The following DTD1 variants were observed in gnomAD, a reference collection of about 807,000 sequenced individuals.
The protein encoded by DTD1 is D-aminoacyl-tRNA deacylase 1.
A neutral mutation model predicts 25.6 loss-of-function variants in DTD1; 13 were observed. The ratio of observed to expected loss-of-function variants is 0.51; its 90% CI spans 0.33 to 0.81. The LOEUF (loss-of-function observed/expected upper bound fraction) is 0.81, where lower values mean the gene tolerates loss of function less well. Among genes scored for constraint, DTD1 ranks in the 30% least tolerant of loss-of-function variants. DTD1 has a pLI of 0.02. For synonymous variants in DTD1, 110 were observed against 103.6 expected, an observed-to-expected ratio of 1.06 and a Z score of -0.37; for missense variants, 193 against 266.4, an observed-to-expected ratio of 0.72 and a Z score of 1.92.
At chr20:18,690,281 C>T (rs1310303227) in intron 4 of DTD1, among the ~76,000 whole-genome samples, 1 of 151,950 alleles carries the variant, frequency 6.6e-6, no homozygotes, top group Non-Finnish European at 1.5e-5. Flanking sequence ...AATATTTTCT[C>T]CCATTCTATA....
In DTD1 at chr20:18,596,054, G is replaced by A; in HGVS notation, c.183G>A (p.Lys61=). The A allele has an allele frequency of 1.9e-6, 3 of 1,614,130 alleles. No individual in the cohort carries two copies. The highest frequency in any genetic ancestry group is 2.7e-5 in the African/African-American group (2 of 75,016). Residue 61 remains lysine (K), a synonymous_variant, in exon 3 of 6, where the codon AAG becomes AAA. Coordinates refer to ENST00000377452, the MANE Select transcript of DTD1 (RefSeq NM_080820.6). The part of the protein sequence containing the change: ...NLRVFEDESG[K]HWSKSVMDKQ... Reference sequence around the variant, plus strand: ...GTGTATTTGAGGATGAGAGTGGGAAGCACTGGTCGAAGAGTGTGATGGACA... The same window carrying A: ...GTGTATTTGAGGATGAGAGTGGGAAACACTGGTCGAAGAGTGTGATGGACA...
Position 18,755,576 on chromosome 20 carries a change from C to T in DTD1, c.*20-7784C>T, listed in dbSNP as rs568511214. Among the ~76,000 whole-genome samples, 24 of 152,272 alleles carry T rather than the reference C, an allele frequency of 1.6e-4. No individual in the cohort carries two copies. In the South Asian group the frequency reaches 4.6e-3, roughly 29 times the overall value. ...GAGAATGATGGTTTCCAGCTTCATC[C>T]GTGTCCCTACAAAGGACATGAACTC... is the stretch of plus-strand genomic sequence containing the variant. On this transcript the variant is annotated intron_variant, in intron 5 of 5. Coordinates refer to ENST00000377452, the MANE Select transcript of DTD1 (RefSeq NM_080820.6).
intron 3 of DTD1, among the ~76,000 whole-genome samples, chr20:18,615,845 G>C (rs1487830409): frequency 1.3e-5 from 2 of 152,166 alleles, no homozygotes; most frequent in African/African-American, 4.8e-5. Context: ...TCCATGGGAC[G>C]TCCATGATGC....
At chr20:18,705,499 A>G (rs1440826390) in intron 4 of DTD1, among the ~76,000 whole-genome samples, 1 of 152,148 alleles carries the variant, frequency 6.6e-6, no homozygotes, top group African/African-American at 2.4e-5. Context: ...GTTGTTCAAA[A>G]AGGTCCCCAG....
chr20:18,760,156 T>G (rs1363771641), intron 5 of DTD1, among the ~76,000 whole-genome samples: 2 of 152,214 alleles, frequency 1.3e-5, no homozygotes, highest in Non-Finnish European at 2.9e-5. Flanking sequence ...TTCAAGGTTT[T>G]TATCTTCTTT....
At chr20:18,759,185 T>G (rs553245642) in intron 5 of DTD1, among the ~76,000 whole-genome samples, 1 of 152,360 alleles carries the variant, frequency 6.6e-6, no homozygotes, top group Admixed American at 6.5e-5. Flanking sequence ...CTTGACTCTT[T>G]ATCCGATTTG....
At chr20:18,665,548 T>C (rs2060928603) in intron 4 of DTD1, among the ~76,000 whole-genome samples, 1 of 152,240 alleles carries the variant, frequency 6.6e-6, no homozygotes, top group African/African-American at 2.4e-5. Context: ...CTTAGTTACA[T>C]ATTCTTAGTT....
chr20:18,716,773 T>G (rs1156508475), intron 4 of DTD1, among the ~76,000 whole-genome samples: 1 of 152,216 alleles, frequency 6.6e-6, no homozygotes, highest in Non-Finnish European at 1.5e-5. Context: ...GCTAGCCTAC[T>G]GTTGATCAGA....
intron 4 of DTD1, among the ~76,000 whole-genome samples, chr20:18,722,920 A>T (rs750369383): frequency 5.3e-5 from 8 of 152,362 alleles, no homozygotes; most frequent in Non-Finnish European, 1.0e-4. Context: ...AACACACAGA[A>T]AAGTCAGCAC....
Position 18,765,388 on chromosome 20 carries a change from T to C in DTD1, c.*2048T>C, listed in dbSNP as rs1308595382. On this transcript the variant is annotated 3_prime_UTR_variant, in exon 6 of 6. Transcript: ENST00000377452. Reference sequence around the variant, plus strand: ...AGCAGAAATTCTGAGCCTATATGTGTGAGGGGGGATCTTTGATTAATTAAA... The same window carrying C: ...AGCAGAAATTCTGAGCCTATATGTGCGAGGGGGGATCTTTGATTAATTAAA... The C allele has an allele frequency of 2.0e-5, 3 of 152,202 alleles. No individual in the cohort carries two copies. Among genetic ancestry groups the C allele is most frequent in the African/African-American group, 7.2e-5 (3 of 41,442 alleles). The allele number at this position is 152,202 out of a possible 1,614,324, so 9.4% of individuals were successfully genotyped here.
intron 1 of DTD1, among the ~76,000 whole-genome samples, chr20:18,592,796 C>T (rs2060595121): frequency 1.3e-5 from 2 of 151,744 alleles, no homozygotes; most frequent in South Asian, 4.2e-4. Flanking sequence ...GATTCTCCTG[C>T]CTCAGCCTCC....
At chr20:18,611,305 A>G (rs948687945) in intron 3 of DTD1, 1 of 152,236 alleles carries the variant, frequency 6.6e-6, no homozygotes, top group Admixed American at 6.5e-5. Context: ...TTCATAGAGC[A>G]TGCGTTACAC....
chr20:18,589,038 G>A (rs776315091), intron 1 of DTD1, among the ~76,000 whole-genome samples: 1 of 152,048 alleles, frequency 6.6e-6, no homozygotes, highest in Non-Finnish European at 1.5e-5. Flanking sequence ...GCGTTCTTGT[G>A]TCCACAAAAG....
chr20:18,661,061 T>TTGTG (rs2060907807), intron 4 of DTD1, among the ~76,000 whole-genome samples: 1 of 152,214 alleles, frequency 6.6e-6, no homozygotes, highest in Non-Finnish European at 1.5e-5. Context: ...CTAGTTAGAC[T>TTGTG]TGTGTGGTCT....
intron 4 of DTD1, among the ~76,000 whole-genome samples, chr20:18,685,545 C>T (rs78888249): frequency 0.012 from 1,859 of 152,232 alleles, 38 homozygotes; most frequent in African/African-American, 0.041. Context: ...CCCTGCGCCT[C>T]GCTCCAGCTT....
In DTD1 at chr20:18,684,389, C is replaced by T. The variant is rs147854986; in HGVS notation, c.477+56156C>T. Among the ~76,000 whole-genome samples, 1,338 of 152,170 alleles carry T rather than the reference C, an allele frequency of 8.8e-3. 19 individuals carry two copies. Among genetic ancestry groups the T allele is most frequent in the African/African-American group, 0.031 (1,276 of 41,514 alleles). On this transcript the variant is annotated intron_variant, in intron 4 of 5. Coordinates refer to ENST00000377452, the MANE Select transcript of DTD1 (RefSeq NM_080820.6). ...GCAACCTCAGCCTCCTGGGTTCAAG[C>T]GATTCTCGTGCCTCAGCCTCTTGAG... is the stretch of plus-strand genomic sequence containing the variant.
Position 18,708,270 on chromosome 20 carries a change from TATATATA to T in DTD1, c.478-35822_478-35816del, listed in dbSNP as rs1475118545. On this transcript the variant is annotated intron_variant, in intron 4 of 5. Transcript: ENST00000377452. ...ATATATATTATATATATATTTTATA[TATATATA>T]ATATATATTATATATATATAATATA... 3.5e-4 allele frequency among the ~76,000 whole-genome samples: 7 copies of T among 19,806 alleles called. 1 individual carries two copies. The highest frequency in any genetic ancestry group is 8.8e-4 in the African/African-American group (7 of 7,992). The allele number at this position is 19,806 out of a possible 152,430, so 13.0% of individuals were successfully genotyped here.
At chr20:18,662,211 C>T (rs6045546) in intron 4 of DTD1, among the ~76,000 whole-genome samples, 126,292 of 152,194 alleles carry the variant, frequency 0.83, 53,512 homozygotes, top group Non-Finnish European at 0.93. Context: ...ATGCAAGTTA[C>T]AAGCTCCCAT....
chr20:18,731,058 G>A (rs1483151734), intron 4 of DTD1, among the ~76,000 whole-genome samples: 1 of 152,224 alleles, frequency 6.6e-6, no homozygotes, highest in Admixed American at 6.5e-5. Context: ...TGGTGTGGAA[G>A]GGAAGGTTAG....
Sources: gnomAD v4.1 joint callset for allele counts (sites outside exome capture counted in the v4.1 genomes callset) on GRCh38, gnomAD v4.1.1 for gene constraint, MANE v1.5 for transcripts, NCBI Gene and HGNC (gene_info 2026-07-23, HGNC 2026-07-21) for gene names.